PHACTR2: variants seen among roughly 807,000 people sequenced by gnomAD.
PHACTR2 encodes the protein phosphatase and actin regulator 2, also known as chromosome 6 open reading frame 56.
A neutral mutation model predicts 76.0 loss-of-function variants in PHACTR2; 30 were observed. That is an observed-to-expected ratio of 0.39 (90% confidence interval 0.30 to 0.54). The LOEUF is 0.54. Among genes scored for constraint, PHACTR2 ranks in the 20% least tolerant of loss-of-function variants. The pLI, the probability that PHACTR2 is intolerant of heterozygous loss-of-function variation, is 0.61. For missense variants in PHACTR2, 696 were observed against 781.1 expected (o/e 0.89, Z 1.30); for synonymous variants, 292 against 292.5 (o/e 1.00, Z 0.02).
intron 1 of PHACTR2, among the ~76,000 whole-genome samples, chr6:143,629,856 T>C (rs1776331706): frequency 6.6e-6 from 1 of 152,140 alleles, no homozygotes; most frequent in Non-Finnish European, 1.5e-5. Context: ...TTTGGAGTGT[T>C]CTGTGTCGTG....
Position 143,827,193 on chromosome 6 carries a change from T to TAC in PHACTR2, c.*3505_*3506insCA, listed in dbSNP as rs1294161724. The stretch of plus-strand genomic sequence containing the variant: ...ATATATATATATATATATATATATA[T>TAC]ATATATGTATATTATATATACAGTA... On this transcript the variant is annotated 3_prime_UTR_variant, in exon 13 of 13. Coordinates refer to ENST00000440869, the MANE Select transcript of PHACTR2 (RefSeq NM_001100164.2). The TAC allele has an allele frequency of 7.9e-6, 1 of 126,024 alleles. No homozygotes were observed. Among genetic ancestry groups the TAC allele is most frequent in the African/African-American group, 2.8e-5 (1 of 35,108 alleles). The allele number at this position is 126,024 out of a possible 1,614,324, so 7.8% of individuals were successfully genotyped here. A position where few individuals can be genotyped will look rare whatever the true frequency, so the allele number is the denominator to read the frequency against.
intron 9 of PHACTR2, among the ~76,000 whole-genome samples, chr6:143,781,639 CCA>C (rs1296543795): frequency 6.6e-6 from 1 of 152,202 alleles, no homozygotes; most frequent in Non-Finnish European, 1.5e-5. Flanking sequence ...ATCACAAGAA[CCA>C]CAGTGTGGCA....
In PHACTR2 at chr6:143,596,837, C is replaced by CA. The variant is rs930802890; in HGVS notation, c.217+59638dup. Among the ~76,000 whole-genome samples, 3 of 151,278 alleles carry CA rather than the reference C, an allele frequency of 2.0e-5. No homozygotes were observed. Among genetic ancestry groups the CA allele is most frequent in the East Asian group, 1.9e-4 (1 of 5,178 alleles). On this transcript the variant is annotated intron_variant, in intron 1 of 11. Transcript: ENST00000367584. The surrounding 1 kb of genome is among the most constrained non-coding windows in gnomAD (Gnocchi z 4.6). The stretch of plus-strand genomic sequence containing the variant: ...TGAGTGACAGAGTGAGACCTCATCT[C>CA]AAAAAAAATAAAAATAAAAATAAAA...
intron 9 of PHACTR2, among the ~76,000 whole-genome samples, chr6:143,778,478 T>C (rs75045042): frequency 0.011 from 1,638 of 152,074 alleles, 38 homozygotes; most frequent in African/African-American, 0.038. Flanking sequence ...TCTGGCTTTT[T>C]TTTTTTTGAC....
chr6:143,665,803 TG>T (rs1337533419), intron 1 of PHACTR2, among the ~76,000 whole-genome samples: 1 of 152,248 alleles, frequency 6.6e-6, no homozygotes, highest in Non-Finnish European at 1.5e-5. Context: ...AGCCAGATCA[TG>T]TTATTACTTT....
At chr6:143,560,188 A>G (rs1006552474) in intron 1 of PHACTR2, among the ~76,000 whole-genome samples, 1 of 152,252 alleles carries the variant, frequency 6.6e-6, no homozygotes, top group Non-Finnish European at 1.5e-5. Context: ...ATAATTCACT[A>G]GGTTTTAAAA....
upstream of PHACTR2, chr6:143,608,113 G>C: frequency 1.6e-6 from 1 of 631,468 alleles, no homozygotes; most frequent in South Asian, 1.8e-5. The surrounding 1 kb of genome is among the most constrained non-coding windows in gnomAD (Gnocchi z 4.6). Context: ...TAATCAGCCT[G>C]TAATGGAGCT....
intron 11 of PHACTR2, among the ~76,000 whole-genome samples, chr6:143,796,356 G>T (rs1365375482): frequency 4.6e-5 from 7 of 151,592 alleles, no homozygotes; most frequent in Non-Finnish European, 1.0e-4. Flanking sequence ...TGAGAAGGCA[G>T]CAAGGTCTGC....
rs1346143330 is a variant in PHACTR2 at position 143,787,755 on chromosome 6, T to C, written c.1708-1018T>C. Among the ~76,000 whole-genome samples, 1 of 151,724 alleles carries C rather than the reference T, an allele frequency of 6.6e-6. No homozygotes were observed. Among genetic ancestry groups the C allele is most frequent in the African/African-American group, 2.4e-5 (1 of 41,348 alleles). ...TAGAGAGACCCCCCACCCACTCTGT[T>C]TAAATAAAAAAAAAATAAGCAATAT... On this transcript the variant is annotated intron_variant, in intron 10 of 12. Coordinates refer to ENST00000440869, the MANE Select transcript of PHACTR2 (RefSeq NM_001100164.2). The surrounding 1 kb of genome is among the most constrained non-coding windows in gnomAD (Gnocchi z 4.6).
At chr6:143,622,476 AC>A (rs938378022) in intron 1 of PHACTR2, among the ~76,000 whole-genome samples, 7 of 152,238 alleles carry the variant, frequency 4.6e-5, no homozygotes, top group Non-Finnish European at 1.0e-4. Flanking sequence ...CCTTAGTCCT[AC>A]CCCAGATGTG....
At position 143,780,463 on chromosome 6, in the gene PHACTR2, A is replaced by G. The variant is rs186475241; in HGVS notation, c.1646-2756A>G. 6.6e-6 allele frequency among the ~76,000 whole-genome samples: 1 copy of G among 152,344 alleles called. No individual in the cohort carries two copies. The highest frequency in any genetic ancestry group is 6.5e-5 in the Admixed American group (1 of 15,310). On this transcript the variant is annotated intron_variant, in intron 9 of 12. Coordinates refer to ENST00000440869, the MANE Select transcript of PHACTR2 (RefSeq NM_001100164.2). The surrounding 1 kb of genome is among the most constrained non-coding windows in gnomAD (Gnocchi z 4.4). Reference sequence around the variant, plus strand: ...CTCATCTCCACCAAAAATTGAAAAAACAAAACATCTACATGGAAACATGTA... The same window carrying G: ...CTCATCTCCACCAAAAATTGAAAAAGCAAAACATCTACATGGAAACATGTA...
chr6:143,651,007 C>A (rs140862210), intron 1 of PHACTR2, among the ~76,000 whole-genome samples: 1 of 151,790 alleles, frequency 6.6e-6, no homozygotes, highest in South Asian at 2.1e-4. Flanking sequence ...AACAAACAAC[C>A]CCATTAAAAA....
At position 143,562,938 on chromosome 6, in the gene PHACTR2, G is replaced by C. The variant is rs1256870285; in HGVS notation, c.217+25731G>C. On this transcript the variant is annotated intron_variant, in intron 1 of 11. Transcript: ENST00000367584. This position sits in a 1 kb window ranked among gnomAD's most constrained non-coding sequence, Gnocchi z 5.1. ...TTTACCTAGAATAGGCAAATTCCTA[G>C]AGATAGAAAATAGAGTATAAGCTTC... Among the ~76,000 whole-genome samples, 1 of 152,184 alleles carries C rather than the reference G, an allele frequency of 6.6e-6. No individual in the cohort carries two copies. Among genetic ancestry groups the C allele is most frequent in the Non-Finnish European group, 1.5e-5 (1 of 68,026 alleles).
chr6:143,582,580 A>G (rs1415818769), intron 1 of PHACTR2, among the ~76,000 whole-genome samples: 2 of 151,622 alleles, frequency 1.3e-5, no homozygotes, highest in Non-Finnish European at 2.9e-5. Context: ...TATAACATTA[A>G]AAAAAAAACT....
chr6:143,712,529 A>T (rs1778200161), intron 2 of PHACTR2, among the ~76,000 whole-genome samples: 1 of 91,508 alleles, frequency 1.1e-5, no homozygotes, highest in African/African-American at 4.2e-5. Context: ...TTATATACAC[A>T]TGATGTTATA....
Position 143,772,327 on chromosome 6 carries a change from T to C in PHACTR2, c.1302T>C (p.Ser434=), listed in dbSNP as rs770029692. The change falls in exon 7 of 13, where the codon TCT becomes TCC. Residue 434 remains serine (S), a synonymous_variant. Transcript: ENST00000440869. This position sits in a 1 kb window ranked among gnomAD's most constrained non-coding sequence, Gnocchi z 5.4. ...QLLTPGLMGE[S]SESFSASEDE... is the part of the protein sequence containing the mutation. ...TGACTCCTGGGCTGATGGGCGAATC[T>C]TCAGAATCCTTTAGTGCCTCAGAAG... 3.7e-6 allele frequency: 6 copies of C among 1,613,916 alleles called. No individual in the cohort carries two copies. In the African/African-American group the frequency reaches 6.7e-5, roughly 18 times the overall value.
At position 143,573,052 on chromosome 6, in the gene PHACTR2, A is replaced by G. The variant is rs527265878; in HGVS notation, c.217+35845A>G. Among the ~76,000 whole-genome samples the G allele has an allele frequency of 3.3e-5, 5 of 152,316 alleles. No individual in the cohort carries two copies. In the South Asian group the frequency reaches 1.0e-3, roughly 32 times the overall value. ...ACAAAACTGGCAAGACTAGTACCTA[A>G]TGTTCTCATAGACCCTTCACTGGGT... On this transcript the variant is annotated intron_variant, in intron 1 of 11. Transcript: ENST00000367584.
chr6:143,554,285 A>G lies in PHACTR2; in HGVS notation c.217+17078A>G, dbSNP rs1298934504. 6.6e-6 allele frequency: 1 copy of G among 152,104 alleles called. No homozygotes were observed. Among genetic ancestry groups the G allele is most frequent in the African/African-American group, 2.4e-5 (1 of 41,430 alleles). The allele number at this position is 152,104 out of a possible 1,614,324, so 9.4% of individuals were successfully genotyped here. A position where few individuals can be genotyped will look rare whatever the true frequency, so the allele number is the denominator to read the frequency against. ...ATTGAAGACATTTAAAAATGTCTTT[A>G]CCTCCAACAATTTGCTGTTAAAAAA... On this transcript the variant is annotated intron_variant, in intron 1 of 11. Coordinates refer to the PHACTR2 transcript ENST00000367584. This position sits in a 1 kb window ranked among gnomAD's most constrained non-coding sequence, Gnocchi z 5.9.
At chr6:143,665,699 T>A (rs2128449368) in intron 1 of PHACTR2, among the ~76,000 whole-genome samples, 1 of 152,308 alleles carries the variant, frequency 6.6e-6, no homozygotes, top group East Asian at 1.9e-4. Flanking sequence ...TCATTTCTAG[T>A]CTGGATTATT....
Sources: gnomAD v4.1 joint callset for allele counts (sites outside exome capture counted in the v4.1 genomes callset) on GRCh38, gnomAD v4.1.1 for gene constraint, Gnocchi (gnomAD v3.1) non-coding constraint, MANE v1.5 for transcripts, NCBI Gene and HGNC (gene_info 2026-07-23, HGNC 2026-07-21) for gene names.